ABLIM1: variants seen among roughly 807,000 people sequenced by gnomAD.
The protein encoded by ABLIM1 is actin-binding LIM protein 1.
In ABLIM1, 40 loss-of-function variants were observed where a neutral mutation model predicts 107.0. The ratio of observed to expected loss-of-function variants is 0.37; its 90% CI spans 0.29 to 0.49. The LOEUF (loss-of-function observed/expected upper bound fraction) is 0.49, where lower values mean the gene tolerates loss of function less well. Among genes scored for constraint, ABLIM1 ranks in the 20% least tolerant of loss-of-function variants. The pLI is 0.97. For synonymous variants in ABLIM1, 357 were observed against 357.3 expected (o/e 1.00, Z 0.01); for missense variants, 857 against 1,008.5 (o/e 0.85, Z 2.04).
At chr10:114,755,872 A>G (rs1180703474) in intron 1 of ABLIM1, among the ~76,000 whole-genome samples, 1 of 152,228 alleles carries the variant, frequency 6.6e-6, no homozygotes, top group Non-Finnish European at 1.5e-5. Flanking sequence ...TTATTTTTGC[A>G]TAGTTAGATG....
chr10:114,556,420 G>C (rs1320938981), intron 4 of ABLIM1, among the ~76,000 whole-genome samples: 1 of 152,182 alleles, frequency 6.6e-6, no homozygotes, highest in Non-Finnish European at 1.5e-5. Flanking sequence ...GATAGTTCCA[G>C]TCGGCAAGGG....
chr10:114,559,467 G>C (rs2483551), intron 4 of ABLIM1, among the ~76,000 whole-genome samples: 51,806 of 122,638 alleles, frequency 0.42, 13,080 homozygotes, highest in African/African-American at 0.73. Context: ...AAAAAAGAAA[G>C]AAAGAAAAAA....
In ABLIM1 at chr10:114,580,279, T is replaced by C. The variant is rs574273176; in HGVS notation, c.380-4680A>G. Among the ~76,000 whole-genome samples the C allele has an allele frequency of 9.2e-5, 14 of 151,804 alleles. No individual in the cohort carries two copies. The South Asian group carries it at 2.5e-3, about 27-fold the overall frequency. ...TGGAGTACAGTGGCATGATCATAAC[T>C]CACTGCAGCCTTCAACTCCTGGGTG... On this transcript the variant is annotated intron_variant, in intron 2 of 22. Coordinates refer to ENST00000533213, the MANE Select transcript of ABLIM1 (RefSeq NM_002313.7).
intron 6 of ABLIM1, among the ~76,000 whole-genome samples, chr10:114,523,633 CAA>C (rs2064133142): frequency 6.6e-6 from 1 of 152,184 alleles, no homozygotes; most frequent in African/African-American, 2.4e-5. Flanking sequence ...CTGCATCCTT[CAA>C]AGAGTTTTCT....
rs1190654960 is a variant in ABLIM1, at chr10:114,545,227, T to C, written c.801-129A>G. 12 of 802,418 alleles carry C rather than the reference T, an allele frequency of 1.5e-5. No homozygotes were observed. The East Asian group carries it at 2.4e-4, about 16-fold the overall frequency. 49.7% of individuals were successfully genotyped at this position (802,418 alleles called of 1,614,324 possible). A position where few individuals can be genotyped will look rare whatever the true frequency, so the allele number is the denominator to read the frequency against. On this transcript the variant is annotated intron_variant, in intron 5 of 22. Transcript: ENST00000533213. ...ATTTCTCCCCTGCCCAGTGTTCACA[T>C]GCCTGGCAATCCAGTCAGACCTGGC...
At chr10:114,603,268 T>G (rs2076163316) in intron 1 of ABLIM1, among the ~76,000 whole-genome samples, 1 of 152,224 alleles carries the variant, frequency 6.6e-6, no homozygotes, top group Admixed American at 6.5e-5. Context: ...CTCTCAGACC[T>G]CAGCAGTGTT....
At chr10:114,440,204 T>A in intron 19 of ABLIM1, 115 bp from the exon 20 acceptor site, 1 of 1,087,528 alleles carries the variant, frequency 9.2e-7, no homozygotes, top group Non-Finnish European at 1.4e-6. Flanking sequence ...TAAACCATGT[T>A]CTTTTTCTGC....
At chr10:114,790,785 AAAT>A in the ABLIM1 span, among the ~76,000 whole-genome samples, 3 of 152,212 alleles carry the variant, frequency 2.0e-5, no homozygotes, top group Non-Finnish European at 4.4e-5. Context: ...TGGACCTACT[AAAT>A]AATAAGAAAA....
At chr10:114,486,398 C>T (rs941161270) in intron 8 of ABLIM1, among the ~76,000 whole-genome samples, 5 of 152,166 alleles carry the variant, frequency 3.3e-5, no homozygotes, top group Non-Finnish European at 7.4e-5. Flanking sequence ...ACTATAGCTA[C>T]TGGGGTGGTT....
intron 7 of ABLIM1, 133 bp downstream of exon 7, chr10:114,491,658 C>T: frequency 1.3e-6 from 1 of 789,680 alleles, no homozygotes. Flanking sequence ...TAACTTTTGG[C>T]CATAATCTTC....
At chr10:114,528,166 C>T (rs1486931185) in intron 6 of ABLIM1, among the ~76,000 whole-genome samples, 4 of 151,960 alleles carry the variant, frequency 2.6e-5, no homozygotes, top group African/African-American at 9.7e-5. Context: ...GACAGGATCT[C>T]ACTATGTTGC....
chr10:114,491,755 C>A (rs1258523722), intron 7 of ABLIM1, 36 bp downstream of exon 7: 9 of 1,537,800 alleles, frequency 5.9e-6, no homozygotes, highest in Non-Finnish European at 8.1e-6. Context: ...TTTCCCCCAG[C>A]AAGGAAAACT....
At chr10:114,615,770 C>T (rs938786338) in intron 1 of ABLIM1, among the ~76,000 whole-genome samples, 1 of 151,136 alleles carries the variant, frequency 6.6e-6, no homozygotes, top group Admixed American at 6.6e-5. Context: ...CAATACCACT[C>T]AACCGATGAC....
At chr10:114,482,553 A>C (rs1302891959) in intron 8 of ABLIM1, among the ~76,000 whole-genome samples, 2 of 152,230 alleles carry the variant, frequency 1.3e-5, no homozygotes, top group Non-Finnish European at 2.9e-5. Flanking sequence ...GTTTTCTGGA[A>C]TCTTAAAGGT....
chr10:114,566,987 T>A (rs988648199), intron 4 of ABLIM1, among the ~76,000 whole-genome samples: 11 of 152,170 alleles, frequency 7.2e-5, no homozygotes, highest in African/African-American at 2.7e-4. Context: ...AGGCAGAGGT[T>A]GCAATGAGCC....
chr10:114,619,135 G>C lies in ABLIM1; in HGVS notation c.245-17174C>G. On this transcript the variant is annotated intron_variant, in intron 1 of 22. Coordinates refer to ENST00000533213, the MANE Select transcript of ABLIM1 (RefSeq NM_002313.7). The surrounding 1 kb of genome is among the most constrained non-coding windows in gnomAD (Gnocchi z 4.1). ...CACCTTTTGGACATTCCTGAGGGAG[G>C]GGTGAACTCTCTCCAAAGCCCTTAA... 6.6e-6 allele frequency among the ~76,000 whole-genome samples: 1 copy of C among 151,478 alleles called. No individual in the cohort carries two copies. The highest frequency in any genetic ancestry group is 1.9e-4 in the East Asian group (1 of 5,176).
At chr10:114,654,109 G>A (rs2079380431) in intron 1 of ABLIM1, among the ~76,000 whole-genome samples, 1 of 152,196 alleles carries the variant, frequency 6.6e-6, no homozygotes, top group Non-Finnish European at 1.5e-5. Context: ...GGGCTTCGTA[G>A]CACAGGAACA....
rs552282561 is a variant in ABLIM1 at position 114,517,969 on chromosome 10, C to CT, written c.895-26092dup. 2.0e-3 allele frequency among the ~76,000 whole-genome samples: 295 copies of CT among 146,656 alleles called. 1 individual carries two copies. The highest frequency in any genetic ancestry group is 4.0e-3 in the African/African-American group (159 of 40,156). ...CTGCTGGTAGTTATTTACACACATA[C>CT]TTTTTTTTTTTGGTATTTGTCATGT... On this transcript the variant is annotated intron_variant, in intron 6 of 22. Coordinates refer to ENST00000533213, the MANE Select transcript of ABLIM1 (RefSeq NM_002313.7).
chr10:114,574,136 C>T (rs567115779), intron 3 of ABLIM1, among the ~76,000 whole-genome samples: 1 of 152,108 alleles, frequency 6.6e-6, no homozygotes, highest in Non-Finnish European at 1.5e-5. Context: ...GCTTACATCT[C>T]TCTGGCTTAG....
Sources: allele counts gnomAD v4.1 joint callset (sites outside exome capture counted in the v4.1 genomes callset), GRCh38; gene constraint gnomAD v4.1.1; non-coding constraint Gnocchi (gnomAD v3.1); transcripts MANE v1.5; gene names NCBI Gene and HGNC (gene_info 2026-07-23, HGNC 2026-07-21).